The following ABCA13 variants were observed in gnomAD, a reference collection of about 807,000 sequenced individuals.
ABCA13 encodes ATP-binding cassette sub-family A member 13.
In ABCA13, 476 loss-of-function variants were observed where a neutral mutation model predicts 478.7. The ratio of observed to expected loss-of-function variants is 0.99; its 90% CI spans 0.92 to 1.07. The LOEUF is 1.07. Among genes scored for constraint, ABCA13 ranks in the 50% least tolerant of loss-of-function variants. ABCA13 has a pLI of 0.00. For missense variants in ABCA13, 6,060 were observed against 5,910.6 expected (o/e 1.03, Z -0.83); for synonymous variants, 2,252 against 2,158.9 (o/e 1.04, Z -1.20).
chr7:48,589,361 A>G (rs1301370376), intron 57 of ABCA13, among the ~76,000 whole-genome samples: 1 of 152,196 alleles, frequency 6.6e-6, no homozygotes, highest in African/African-American at 2.4e-5. Flanking sequence ...TAGCCAGATC[A>G]TGGAGGAGAA....
chr7:48,181,331 T>TTATC (rs1325614491), intron 1 of ABCA13, among the ~76,000 whole-genome samples: 1 of 152,078 alleles, frequency 6.6e-6, no homozygotes, highest in Non-Finnish European at 1.5e-5. Flanking sequence ...CTTTGGTTAG[T>TTATC]TATCCTCTTT....
intron 31 of ABCA13, among the ~76,000 whole-genome samples, chr7:48,361,572 AT>A (rs1216888601): frequency 6.6e-6 from 1 of 151,450 alleles, no homozygotes; most frequent in Non-Finnish European, 1.5e-5. Flanking sequence ...TCTTCAATAT[AT>A]TCTTTTATAA....
chr7:48,325,068 T>C (rs1372485684), intron 27 of ABCA13, among the ~76,000 whole-genome samples: 1 of 152,220 alleles, frequency 6.6e-6, no homozygotes, highest in Non-Finnish European at 1.5e-5. Flanking sequence ...TTTTTTACTC[T>C]GACAATAGTT....
chr7:48,361,195 T>A (rs571670597), intron 31 of ABCA13, among the ~76,000 whole-genome samples: 1 of 151,974 alleles, frequency 6.6e-6, no homozygotes, highest in East Asian at 1.9e-4. Flanking sequence ...TCACAGCACC[T>A]CTTTAAAACT....
In ABCA13 at chr7:48,274,039, G is replaced by A. The variant is rs754492377; in HGVS notation, c.4373G>A (p.Cys1458Tyr). ...LCSSNGSHIN[C>Y]VNIYLKDVTD... is the part of the protein sequence containing the mutation. ...TCATCAAATGGCTCACATATAAATT[G>A]TGTCAATATTTACTTGAAAGATGTA... The change falls in exon 17 of 62, where the codon TGT becomes TAT. Residue 1458 changes from cysteine to tyrosine, a missense_variant. Physicochemically the swap from Cys to Tyr is radical, Grantham distance 194. This residue lies in a region of ABCA13 where 4,423 missense variants were observed against 4,309.1 expected (regional missense o/e 1.03). Transcript: ENST00000435803. 6.2e-7 allele frequency: 1 copy of A among 1,605,730 alleles called. No individual in the cohort carries two copies. The highest frequency in any genetic ancestry group is 1.7e-5 in the Admixed American group (1 of 59,686).
At chr7:48,633,645 G>A (rs1246500958) in intron 59 of ABCA13, among the ~76,000 whole-genome samples, 3 of 151,760 alleles carry the variant, frequency 2.0e-5, no homozygotes. Context: ...CGGAGGCCAA[G>A]GTGGATGGAT....
intron 35 of ABCA13, among the ~76,000 whole-genome samples, chr7:48,376,814 A>G (rs1418654358): frequency 6.6e-6 from 1 of 152,144 alleles, no homozygotes; most frequent in Non-Finnish European, 1.5e-5. Flanking sequence ...AAAACTCACC[A>G]GGCCCACCAA....
chr7:48,238,086 A>G (rs1197492972), intron 8 of ABCA13, among the ~76,000 whole-genome samples: 2 of 152,246 alleles, frequency 1.3e-5, no homozygotes, highest in African/African-American at 4.8e-5. Flanking sequence ...TTGTTTAGTC[A>G]ATTCAGGCTG....
intron 31 of ABCA13, among the ~76,000 whole-genome samples, chr7:48,360,505 G>A (rs555537952): frequency 1.4e-3 from 219 of 152,006 alleles, no homozygotes; most frequent in Non-Finnish European, 2.3e-3. Flanking sequence ...TATTTCTGAG[G>A]TTACTGAGAC....
At chr7:48,517,011 A>C (rs1294577014) in intron 52 of ABCA13, 130 bp downstream of exon 52, 1 of 1,024,896 alleles carries the variant, frequency 9.8e-7, no homozygotes, top group Admixed American at 2.8e-5. Context: ...CTGTCTTTAA[A>C]CTCCAGAGAG....
Position 48,321,534 on chromosome 7 carries a change from A to T in ABCA13, c.9999+4238A>T, listed in dbSNP as rs35356824. Among the ~76,000 whole-genome samples the T allele has an allele frequency of 2.4e-3, 363 of 152,294 alleles. 2 individuals are homozygous for T. Among genetic ancestry groups the T allele is most frequent in the Non-Finnish European group, 3.7e-3 (251 of 68,018 alleles). ...CTGTGTAGGCCGGCCCTGAGCTAGC[A>T]TGTGGTCCTAGCAGTGTGGCTGAGC... On this transcript the variant is annotated intron_variant, in intron 27 of 61. Transcript: ENST00000435803.
intron 29 of ABCA13, among the ~76,000 whole-genome samples, chr7:48,347,458 T>C (rs1291463079): frequency 2.6e-5 from 4 of 152,144 alleles, no homozygotes; most frequent in Admixed American, 2.6e-4. Context: ...GTCAGCACAG[T>C]ATGCTGGAGT....
At chr7:48,607,699 G>A (rs1374068849) in intron 58 of ABCA13, among the ~76,000 whole-genome samples, 1 of 152,070 alleles carries the variant, frequency 6.6e-6, no homozygotes, top group Non-Finnish European at 1.5e-5. Flanking sequence ...ATTGAGAACT[G>A]CACATTTTAG....
intron 41 of ABCA13, among the ~76,000 whole-genome samples, chr7:48,417,947 C>T (rs36018894): frequency 0.11 from 16,321 of 152,150 alleles, 984 homozygotes; most frequent in African/African-American, 0.14. Context: ...TGTAGCCTTT[C>T]CATTTTGGCT....
At chr7:48,465,434 G>A (rs2130116799) in intron 43 of ABCA13, among the ~76,000 whole-genome samples, 1 of 151,880 alleles carries the variant, frequency 6.6e-6, no homozygotes, top group East Asian at 1.9e-4. Context: ...AAAATATTTT[G>A]GACTCAATTA....
At chr7:48,227,785 T>A (rs2128984854) in intron 6 of ABCA13, among the ~76,000 whole-genome samples, 1 of 152,318 alleles carries the variant, frequency 6.6e-6, no homozygotes, top group South Asian at 2.1e-4. Context: ...TGGCATTGGA[T>A]TTTTGGTTGT....
chr7:48,234,064 G>C lies in ABCA13; in HGVS notation c.810G>C (p.Gln270His), dbSNP rs1358538264. The change falls in exon 8 of 62, where the codon CAG (glutamine) becomes CAC (histidine). Residue 270 changes from glutamine to histidine, a missense_variant. Transcript: ENST00000435803. ...LSMQNIVWDP[Q>H]KVQYDLKSQF... ...TGCAGAATATAGTGTGGGATCCACA[G>C]AAAGTCCAGTATGATCTCAAATCCC... The C allele has an allele frequency of 6.2e-7, 1 of 1,613,906 alleles. No homozygotes were observed. The highest frequency in any genetic ancestry group is 8.5e-7 in the Non-Finnish European group (1 of 1,179,904).
At chr7:48,404,299 G>T in intron 39 of ABCA13, 2 of 238,680 alleles carry the variant, frequency 8.4e-6, no homozygotes, top group Non-Finnish European at 1.7e-5. Flanking sequence ...CTGAACTGAG[G>T]GTGGATGTTG....
At chr7:48,345,041 A>T (rs1159234108) in intron 29 of ABCA13, among the ~76,000 whole-genome samples, 1 of 152,198 alleles carries the variant, frequency 6.6e-6, no homozygotes, top group African/African-American at 2.4e-5. Context: ...ATCTGCATAC[A>T]TGATGATGTT....
Sources: allele counts gnomAD v4.1 joint callset (sites outside exome capture counted in the v4.1 genomes callset), GRCh38; gene constraint gnomAD v4.1.1; regional missense constraint gnomAD v4.1.1; transcripts MANE v1.5; gene names NCBI Gene and HGNC (gene_info 2026-07-23, HGNC 2026-07-21).